Variants in RYR2 observed in about 807,000 individuals in gnomAD.
The protein encoded by RYR2 is ryanodine receptor 2, also known as cardiac muscle ryanodine receptor-calcium release channel.
Under a neutral mutation model 601.1 loss-of-function variants are expected in RYR2, and 227 were observed. That is an observed-to-expected ratio of 0.38 (90% CI 0.34 to 0.42). The LOEUF is 0.42. RYR2 is among the 10% of genes least tolerant of loss of function. RYR2 has a pLI of 1.00. For synonymous variants in RYR2, 2,223 were observed against 2,175.1 expected, an observed-to-expected ratio of 1.02 and a Z score of -0.61; for missense variants, 4,646 against 6,156.5, an observed-to-expected ratio of 0.75 and a Z score of 8.21.
intron 1 of RYR2, among the ~76,000 whole-genome samples, chr1:237,196,751 G>A (rs1680616130): frequency 6.6e-6 from 1 of 152,012 alleles, no homozygotes; most frequent in South Asian, 2.1e-4. Flanking sequence ...ACTATTCCGG[G>A]CACTTTGCAT....
intron 40 of RYR2, among the ~76,000 whole-genome samples, chr1:237,627,168 G>A (rs975328874): frequency 9.2e-5 from 14 of 152,010 alleles, no homozygotes; most frequent in Non-Finnish European, 1.8e-4. Flanking sequence ...GAAAAGATTT[G>A]GACTTTTCTA....
At chr1:237,127,829 C>T (rs574152288) in intron 1 of RYR2, among the ~76,000 whole-genome samples, 9 of 151,426 alleles carry the variant, frequency 5.9e-5, no homozygotes, top group East Asian at 5.9e-4. Flanking sequence ...GATAGGATGG[C>T]GGCTGGGCAG....
chr1:237,617,748 A>C (rs1440037154), intron 38 of RYR2, among the ~76,000 whole-genome samples: 1 of 152,202 alleles, frequency 6.6e-6, no homozygotes, highest in Admixed American at 6.5e-5. Context: ...AAGTTCTTCA[A>C]ATAGGAGCAA....
chr1:237,584,649 G>GTTTTTT lies in RYR2; in HGVS notation c.3599-5125_3599-5120dup, dbSNP rs61131096. 3.4e-3 allele frequency among the ~76,000 whole-genome samples: 245 copies of GTTTTTT among 72,436 alleles called. 10 individuals are homozygous for GTTTTTT. Among genetic ancestry groups the GTTTTTT allele is most frequent in the African/African-American group, 7.2e-3 (136 of 18,786 alleles). 47.5% of individuals were successfully genotyped at this position (72,436 alleles called of 152,430 possible). ...AAGGCCCAAATCCAGCTCACCACCT[G>GTTTTTT]TTTTTTTTTTTTTTTTTTTTTTTTG... is the stretch of plus-strand genomic sequence containing the variant. On this transcript the variant is annotated intron_variant, in intron 29 of 104. Coordinates refer to ENST00000366574, the MANE Select transcript of RYR2 (RefSeq NM_001035.3).
intron 19 of RYR2, among the ~76,000 whole-genome samples, chr1:237,496,264 T>G (rs543086889): frequency 1.3e-5 from 2 of 152,234 alleles, no homozygotes; most frequent in South Asian, 4.1e-4. Flanking sequence ...GAAAATTAGT[T>G]GGGCGTGGTG....
At chr1:237,554,131 T>G (rs544196124) in intron 27 of RYR2, among the ~76,000 whole-genome samples, 5 of 152,074 alleles carry the variant, frequency 3.3e-5, no homozygotes, top group Non-Finnish European at 7.4e-5. Context: ...TAAGTATAGC[T>G]TTTTATAGCT....
intron 21 of RYR2, 77 bp downstream of exon 21, chr1:237,500,980 GC>G: frequency 7.5e-7 from 1 of 1,332,854 alleles, no homozygotes; most frequent in Non-Finnish European, 1.1e-6. Flanking sequence ...CACTGCCATT[GC>G]CCTTCTTCTC....
At chr1:237,755,187 T>A (rs1007521392) in intron 80 of RYR2, 2 of 951,766 alleles carry the variant, frequency 2.1e-6, no homozygotes, top group Non-Finnish European at 2.8e-6. Flanking sequence ...TTTGAGCCCA[T>A]TTCTTTTCCC....
chr1:237,149,176 ATTTG>A (rs1674410214), intron 1 of RYR2, among the ~76,000 whole-genome samples: 1 of 152,296 alleles, frequency 6.6e-6, no homozygotes, highest in Admixed American at 6.5e-5. Flanking sequence ...GAGCTGCATA[ATTTG>A]TTTGAAAGGT....
chr1:237,646,813 C>T (rs1324815248), intron 48 of RYR2, among the ~76,000 whole-genome samples: 3 of 152,130 alleles, frequency 2.0e-5, no homozygotes, highest in South Asian at 2.1e-4. Flanking sequence ...CTGGTAATTG[C>T]GGGTGGATGT....
chr1:237,657,174 C>T (rs945167124), intron 53 of RYR2, among the ~76,000 whole-genome samples: 4 of 152,172 alleles, frequency 2.6e-5, no homozygotes, highest in African/African-American at 7.2e-5. Flanking sequence ...TAGACGATTA[C>T]GATTTTTTAT....
intron 1 of RYR2, among the ~76,000 whole-genome samples, chr1:237,184,739 A>G (rs1452647463): frequency 6.6e-6 from 1 of 152,188 alleles, no homozygotes; most frequent in Non-Finnish European, 1.5e-5. Context: ...GATAATGCTT[A>G]TATTTTTCTA....
chr1:237,800,783 T>A (rs1162021813), intron 97 of RYR2, among the ~76,000 whole-genome samples: 1 of 152,216 alleles, frequency 6.6e-6, no homozygotes, highest in East Asian at 1.9e-4. Flanking sequence ...TCTGCAAAGA[T>A]CACAAATATT....
At position 237,487,268 on chromosome 1, in the gene RYR2, A is replaced by G. The variant is rs77094344; in HGVS notation, c.1709-4538A>G. ...CATTTTTCATCCAAGTGTTCAAAGC[A>G]TATATCAGCATAATTTAAATATACG... is the stretch of plus-strand genomic sequence containing the variant. On this transcript the variant is annotated intron_variant, in intron 17 of 104. Transcript: ENST00000366574. Among the ~76,000 whole-genome samples the G allele has an allele frequency of 4.7e-3, 713 of 152,300 alleles. 7 individuals carry two copies. The highest frequency in any genetic ancestry group is 0.016 in the African/African-American group (685 of 41,566).
chr1:237,557,152 G>C lies in RYR2; in HGVS notation c.3214+6461G>C, dbSNP rs1670989951. Among the ~76,000 whole-genome samples the C allele has an allele frequency of 3.3e-5, 5 of 152,134 alleles. No individual in the cohort carries two copies. In the South Asian group the frequency reaches 6.2e-4, roughly 19 times the overall value. ...TGTTGGCAGAAGACACAGCCAGATG[G>C]GTACAGCCTTGCCACACAGAGCTCT... On this transcript the variant is annotated intron_variant, in intron 27 of 104. Coordinates refer to ENST00000366574, the MANE Select transcript of RYR2 (RefSeq NM_001035.3).
At position 237,806,118 on chromosome 1, in the gene RYR2, C is replaced by T; in HGVS notation, c.14152-19C>T. 1 of 1,610,242 alleles carries T rather than the reference C, an allele frequency of 6.2e-7. No individual in the cohort carries two copies. Among genetic ancestry groups the T allele is most frequent in the Admixed American group, 1.7e-5 (1 of 59,824 alleles). ...TTCTGTTTTCTGACATGTTCTTTCCCCCCGTTTTGTCTTAATAGTCCTTCC... is the reference window on the plus strand; with the variant it reads ...TTCTGTTTTCTGACATGTTCTTTCCTCCCGTTTTGTCTTAATAGTCCTTCC... On this transcript the variant is annotated intron_variant, in intron 98 of 104. Coordinates refer to ENST00000366574, the MANE Select transcript of RYR2 (RefSeq NM_001035.3).
At chr1:237,670,108 G>A (rs999778657) in intron 58 of RYR2, among the ~76,000 whole-genome samples, 3 of 152,110 alleles carry the variant, frequency 2.0e-5, no homozygotes, top group African/African-American at 4.8e-5. Context: ...CCAACACAGC[G>A]AAACCCCGTC....
rs1185805498 is a variant in RYR2, at chr1:237,496,713, C to T, written c.2164C>T (p.Leu722Phe). 6.2e-7 allele frequency: 1 copy of T among 1,613,648 alleles called. No individual in the cohort carries two copies. The highest frequency in any genetic ancestry group is 8.5e-7 in the Non-Finnish European group (1 of 1,179,744). ...GGGTGGAAATGGTGTTGGAGATGAT[C>T]TCTTCTCCTATGGATTTGATGGCCT... ...EWGGNGVGDD[L>F]FSYGFDGLHL... The change falls in exon 20 of 105, where the codon CTC becomes TTC. Residue 722 changes from leucine to phenylalanine, a missense_variant. By Grantham distance (22) the Leu-to-Phe change is conservative. This residue lies in a region of RYR2 where 1,807 missense variants were observed against 2,088.1 expected (regional missense o/e 0.87). Coordinates refer to ENST00000366574, the MANE Select transcript of RYR2 (RefSeq NM_001035.3).
At chr1:237,069,559 A>G (rs1664056262) in intron 1 of RYR2, among the ~76,000 whole-genome samples, 1 of 151,982 alleles carries the variant, frequency 6.6e-6, no homozygotes, top group East Asian at 1.9e-4. Context: ...AACTTAAGAG[A>G]GAAATATTTC....
Sources: allele counts gnomAD v4.1 joint callset (sites outside exome capture counted in the v4.1 genomes callset), GRCh38; gene constraint gnomAD v4.1.1; regional missense constraint gnomAD v4.1.1; transcripts MANE v1.5; gene names NCBI Gene and HGNC (gene_info 2026-07-23, HGNC 2026-07-21).